SOS1: variants seen among roughly 807,000 people sequenced by gnomAD.
SOS1 encodes the protein son of sevenless homolog 1.
In SOS1, 25 loss-of-function variants were observed where a neutral mutation model predicts 157.6. The observed-to-expected ratio is 0.16, with a 90% CI of 0.12 to 0.22. The LOEUF is 0.22. Among genes scored for constraint, SOS1 ranks in the 10% least tolerant of loss-of-function variants. The pLI, the probability that SOS1 is intolerant of heterozygous loss-of-function variation, is 1.00. For synonymous variants in SOS1, 528 were observed against 534.0 expected, an observed-to-expected ratio of 0.99 and a Z score of 0.16; for missense variants, 1,237 against 1,599.1, an observed-to-expected ratio of 0.77 and a Z score of 3.86.
chr2:39,103,402 T>C (rs1673046828), intron 1 of SOS1, among the ~76,000 whole-genome samples: 1 of 152,118 alleles, frequency 6.6e-6, no homozygotes, highest in Non-Finnish European at 1.5e-5. Context: ...CTTCAGAACT[T>C]ACTACAATGC....
In SOS1 at chr2:38,982,632, A is replaced by G. The variant is rs1668437301; in HGVS notation, c.*3192T>C. On this transcript the variant is annotated 3_prime_UTR_variant, in exon 23 of 23. Transcript: ENST00000402219. ...AACTGTTTCTTTCTAAATCTGAAGG[A>G]ACAAAAAGGTTTTCTTCAATATGTA... The G allele has an allele frequency of 6.6e-6, 1 of 151,992 alleles. No individual in the cohort carries two copies. The highest frequency in any genetic ancestry group is 2.1e-4 in the South Asian group (1 of 4,826). The allele number at this position is 151,992 out of a possible 1,614,324, so 9.4% of individuals were successfully genotyped here.
At chr2:39,038,633 C>G (rs1476000771) in intron 6 of SOS1, among the ~76,000 whole-genome samples, 2 of 149,390 alleles carry the variant, frequency 1.3e-5, no homozygotes, top group African/African-American at 2.5e-5. Flanking sequence ...ACTCGGGAGG[C>G]TGAGGCAGGA....
chr2:39,066,933 AC>A (rs1671607550), intron 2 of SOS1, among the ~76,000 whole-genome samples: 1 of 152,240 alleles, frequency 6.6e-6, no homozygotes, highest in South Asian at 2.1e-4. Context: ...GTTTTAGCTT[AC>A]AAACAAAAAA....
At chr2:39,098,223 T>G (rs1432680700) in intron 1 of SOS1, 3 of 228,432 alleles carry the variant, frequency 1.3e-5, no homozygotes, top group Non-Finnish European at 2.7e-5. Flanking sequence ...ACTACTTTGG[T>G]GCCTACATAT....
At chr2:39,083,665 G>A (rs1249984887) in intron 1 of SOS1, among the ~76,000 whole-genome samples, 1 of 152,120 alleles carries the variant, frequency 6.6e-6, no homozygotes, top group East Asian at 1.9e-4. Flanking sequence ...TTTTTGAAAA[G>A]TAATCTGGCA....
In SOS1 at chr2:39,109,037, A is replaced by C. The variant is rs181337592; in HGVS notation, c.87+11299T>G. Among the ~76,000 whole-genome samples, 1,118 of 152,196 alleles carry C rather than the reference A, an allele frequency of 7.3e-3. 7 individuals are homozygous for C. The highest frequency in any genetic ancestry group is 0.014 in the Middle Eastern group (4 of 294). On this transcript the variant is annotated intron_variant, in intron 1 of 22. Coordinates refer to ENST00000402219, the MANE Select transcript of SOS1 (RefSeq NM_005633.4). ...AACATGGTGAAACCCCGTCTCTACC[A>C]AAAATACAAAAATTAGCTGGGTGTG...
chr2:39,068,063 G>T (rs1671651810), intron 1 of SOS1, among the ~76,000 whole-genome samples: 1 of 152,142 alleles, frequency 6.6e-6, no homozygotes, highest in African/African-American at 2.4e-5. Context: ...AGGCTGCAGT[G>T]AGCCAAGATC....
chr2:39,037,795 G>C (rs1205399393), intron 6 of SOS1, among the ~76,000 whole-genome samples: 1 of 151,996 alleles, frequency 6.6e-6, no homozygotes, highest in African/African-American at 2.4e-5. Context: ...GGCCCTTAAG[G>C]ATTGTGCTAA....
At chr2:39,084,275 T>C (rs1271423910) in intron 1 of SOS1, among the ~76,000 whole-genome samples, 2 of 152,286 alleles carry the variant, frequency 1.3e-5, no homozygotes, top group South Asian at 2.1e-4. Flanking sequence ...TTAAGTGAGG[T>C]ATTCTTAAGT....
intron 22 of SOS1, 149 bp from the exon 23 acceptor site, chr2:38,986,464 A>G: frequency 1.3e-6 from 1 of 769,312 alleles, no homozygotes. Context: ...CTTTTTAATT[A>G]AAAAAAAATT....
intron 2 of SOS1, among the ~76,000 whole-genome samples, chr2:39,062,780 T>C (rs1228216325): frequency 3.3e-5 from 5 of 151,998 alleles, no homozygotes; most frequent in Non-Finnish European, 4.4e-5. Flanking sequence ...AATTAAAGAA[T>C]ATACTTTACT....
intron 1 of SOS1, among the ~76,000 whole-genome samples, chr2:39,076,543 G>A (rs1672005648): frequency 6.6e-6 from 1 of 152,138 alleles, no homozygotes; most frequent in African/African-American, 2.4e-5. Flanking sequence ...ACAGATAAAA[G>A]GAGAAAAATG....
chr2:39,106,579 A>C (rs1673195056), intron 1 of SOS1, among the ~76,000 whole-genome samples: 1 of 125,590 alleles, frequency 8.0e-6, no homozygotes, highest in African/African-American at 3.3e-5. Context: ...CGACAGAGCG[A>C]GACTCCGTCT....
At chr2:39,094,730 A>G (rs1465776464) in intron 1 of SOS1, among the ~76,000 whole-genome samples, 1 of 152,176 alleles carries the variant, frequency 6.6e-6, no homozygotes, top group Non-Finnish European at 1.5e-5. Flanking sequence ...ACTACTATCT[A>G]CCAATCTAAG....
intron 10 of SOS1, 21 bp from the exon 11 acceptor site, chr2:39,014,867 T>C (rs1296354690): frequency 1.6e-6 from 2 of 1,228,644 alleles, no homozygotes; most frequent in Admixed American, 1.7e-5. Context: ...AAAGGAAAAA[T>C]ATCTTATTAA....
rs368080263 is a variant in SOS1, at chr2:39,036,843, A to G, written c.865-1343T>C. Among the ~76,000 whole-genome samples the G allele has an allele frequency of 2.0e-5, 3 of 151,204 alleles. No homozygotes were observed. In the East Asian group the frequency reaches 5.9e-4, roughly 30 times the overall value. ...GCCCGCCTCGGCCTCCCAAAGTGCT[A>G]GGATTACAGGTGTGAGCCACCGCGC... On this transcript the variant is annotated intron_variant, in intron 6 of 22. Coordinates refer to ENST00000402219, the MANE Select transcript of SOS1 (RefSeq NM_005633.4).
intron 10 of SOS1, among the ~76,000 whole-genome samples, chr2:39,020,755 A>G (rs916748518): frequency 6.6e-6 from 1 of 151,796 alleles, no homozygotes; most frequent in African/African-American, 2.4e-5. Flanking sequence ...AATAGCCCAA[A>G]TAAGCTAACA....
intron 1 of SOS1, among the ~76,000 whole-genome samples, chr2:39,089,350 G>C (rs1016607845): frequency 3.3e-5 from 5 of 152,022 alleles, no homozygotes; most frequent in African/African-American, 4.8e-5. Context: ...GGCCAACATG[G>C]TGAAATCCCA....
intron 5 of SOS1, among the ~76,000 whole-genome samples, chr2:39,053,904 G>A (rs1217376618): frequency 6.6e-6 from 1 of 151,680 alleles, no homozygotes; most frequent in Non-Finnish European, 1.5e-5. Flanking sequence ...GTCTTGACTA[G>A]ACTAAACTTA....
Sources: allele counts gnomAD v4.1 joint callset (sites outside exome capture counted in the v4.1 genomes callset), GRCh38; gene constraint gnomAD v4.1.1; transcripts MANE v1.5; gene names NCBI Gene and HGNC (gene_info 2026-07-23, HGNC 2026-07-21).